The following NAALADL2 variants were observed in gnomAD, a reference collection of about 807,000 sequenced individuals.
NAALADL2 encodes inactive N-acetylated-alpha-linked acidic dipeptidase-like protein 2.
NAALADL2 carries 76 observed loss-of-function variants against 87.2 expected under a neutral mutation model. That is an observed-to-expected ratio of 0.87 (90% CI 0.72 to 1.05). The LOEUF (loss-of-function observed/expected upper bound fraction) is 1.05, where lower values mean the gene tolerates loss of function less well. NAALADL2 is among the 50% of genes least tolerant of loss of function. The pLI, the probability that NAALADL2 is intolerant of heterozygous loss-of-function variation, is 0.00. For missense variants in NAALADL2, 1,089 were observed against 945.8 expected (o/e 1.15, Z -1.99); for synonymous variants, 354 against 331.0 (o/e 1.07, Z -0.75).
At chr3:174,507,844 A>G (rs914246258) in intron 1 of NAALADL2, among the ~76,000 whole-genome samples, 1 of 152,164 alleles carries the variant, frequency 6.6e-6, no homozygotes, top group African/African-American at 2.4e-5. Flanking sequence ...TTATGAATAA[A>G]GCTGTTATGA....
intron 9 of NAALADL2, among the ~76,000 whole-genome samples, chr3:175,488,193 C>T (rs1020989053): frequency 6.6e-6 from 1 of 152,134 alleles, no homozygotes; most frequent in Non-Finnish European, 1.5e-5. Flanking sequence ...TTAGTAATTT[C>T]TCTTGTTATT....
intron 1 of NAALADL2, among the ~76,000 whole-genome samples, chr3:174,937,259 G>T (rs1737838975): frequency 6.6e-6 from 1 of 151,958 alleles, no homozygotes; most frequent in Admixed American, 6.6e-5. Context: ...ACAGAAGAAA[G>T]CTAAGCTAGG....
intron 2 of NAALADL2, among the ~76,000 whole-genome samples, chr3:175,131,941 T>C (rs1429771230): frequency 1.4e-3 from 118 of 86,004 alleles, no homozygotes; most frequent in South Asian, 3.4e-3. Flanking sequence ...CCAGTAGGGG[T>C]GGCCGGGCAG....
At chr3:174,960,210 A>T (rs1266048478) in intron 1 of NAALADL2, among the ~76,000 whole-genome samples, 1 of 152,100 alleles carries the variant, frequency 6.6e-6, no homozygotes, top group Non-Finnish European at 1.5e-5. Context: ...AAACTATTCC[A>T]GTCATCATCA....
chr3:175,753,592 G>A (rs1231628039), intron 12 of NAALADL2, among the ~76,000 whole-genome samples: 1 of 151,968 alleles, frequency 6.6e-6, no homozygotes, highest in African/African-American at 2.4e-5. Context: ...ATCTAACCTA[G>A]TTTTCCTTTT....
At chr3:174,662,555 A>G (rs1380885040) in intron 2 of NAALADL2, among the ~76,000 whole-genome samples, 3 of 152,226 alleles carry the variant, frequency 2.0e-5, no homozygotes, top group Non-Finnish European at 4.4e-5. Context: ...ACAGGAAATA[A>G]GCAAGGCAAG....
chr3:174,964,737 G>C (rs1245196214), intron 1 of NAALADL2, among the ~76,000 whole-genome samples: 2 of 151,968 alleles, frequency 1.3e-5, no homozygotes, highest in African/African-American at 4.8e-5. Flanking sequence ...TATTCCTCCT[G>C]CTGCTTGTAA....
chr3:175,798,572 G>A (rs538372653), intron 13 of NAALADL2, among the ~76,000 whole-genome samples: 1 of 152,156 alleles, frequency 6.6e-6, no homozygotes, highest in Admixed American at 6.5e-5. Context: ...TTGCTTACTA[G>A]TTAGGAGAAG....
At chr3:174,937,110 A>T (rs1410569618) in intron 1 of NAALADL2, among the ~76,000 whole-genome samples, 2 of 152,110 alleles carry the variant, frequency 1.3e-5, no homozygotes, top group East Asian at 3.9e-4. Context: ...TAATAGTGAT[A>T]AAATGATCCT....
chr3:175,680,355 G>C (rs1357531792), intron 11 of NAALADL2, among the ~76,000 whole-genome samples: 4 of 152,148 alleles, frequency 2.6e-5, no homozygotes, highest in Admixed American at 1.3e-4. Flanking sequence ...CTAGCACTAT[G>C]CTAGGCACTG....
chr3:174,908,162 G>T (rs80086264), intron 1 of NAALADL2, among the ~76,000 whole-genome samples: 27 of 151,568 alleles, frequency 1.8e-4, no homozygotes, highest in Non-Finnish European at 3.7e-4. Flanking sequence ...GTTGCACTTG[G>T]TGGTGAAGTT....
At chr3:175,682,713 T>G (rs574482411) in intron 11 of NAALADL2, among the ~76,000 whole-genome samples, 1 of 152,200 alleles carries the variant, frequency 6.6e-6, no homozygotes, top group South Asian at 2.1e-4. Context: ...GTTTAATTCT[T>G]TTTTTCAATT....
intron 9 of NAALADL2, among the ~76,000 whole-genome samples, chr3:175,569,392 A>G (rs73880201): frequency 0.036 from 5,458 of 152,302 alleles, 376 homozygotes; most frequent in African/African-American, 0.12. Flanking sequence ...GTGACCTACC[A>G]TCTAAGAGTG....
At chr3:174,959,264 T>G (rs887958083) in intron 1 of NAALADL2, among the ~76,000 whole-genome samples, 1 of 152,066 alleles carries the variant, frequency 6.6e-6, no homozygotes, top group East Asian at 1.9e-4. Flanking sequence ...AACTGTTGGA[T>G]AACTATTCAC....
intron 2 of NAALADL2, among the ~76,000 whole-genome samples, chr3:175,183,234 A>G (rs1736851840): frequency 7.7e-6 from 1 of 129,154 alleles, no homozygotes; most frequent in African/African-American, 2.7e-5. Context: ...CCTCCCGGTT[A>G]GATTTATTCC....
At chr3:174,551,817 A>C (rs1340266865) in intron 2 of NAALADL2, among the ~76,000 whole-genome samples, 1 of 152,188 alleles carries the variant, frequency 6.6e-6, no homozygotes, top group East Asian at 1.9e-4. Context: ...TAGCTTTTTC[A>C]TGCTGAGTTT....
intron 13 of NAALADL2, among the ~76,000 whole-genome samples, chr3:175,798,702 A>G (rs1015755704): frequency 6.6e-6 from 1 of 152,034 alleles, no homozygotes; most frequent in African/African-American, 2.4e-5. Context: ...ACATTTTTTT[A>G]GGATGTATTT....
chr3:174,552,624 G>C (rs1017316736), intron 2 of NAALADL2, among the ~76,000 whole-genome samples: 1 of 151,516 alleles, frequency 6.6e-6, no homozygotes, highest in African/African-American at 2.4e-5. Flanking sequence ...GCGAAATCCT[G>C]TCTCTGCAAA....
intron 9 of NAALADL2, among the ~76,000 whole-genome samples, chr3:175,550,675 A>G (rs935342006): frequency 1.3e-5 from 2 of 152,174 alleles, no homozygotes; most frequent in Admixed American, 1.3e-4. Context: ...CATTATTCTG[A>G]TCTCAATAAC....
Sources: allele counts gnomAD v4.1 joint callset (sites outside exome capture counted in the v4.1 genomes callset), GRCh38; gene constraint gnomAD v4.1.1; transcripts MANE v1.5; gene names NCBI Gene and HGNC (gene_info 2026-07-23, HGNC 2026-07-21).